Variants in ITSN2 observed in about 807,000 individuals in gnomAD.
ITSN2 encodes the protein intersectin 2, also known as intersectin-2.
A neutral mutation model predicts 243.7 loss-of-function variants in ITSN2; 156 were observed. That is an observed-to-expected ratio of 0.64 (90% confidence interval 0.56 to 0.73). ITSN2 has a LOEUF of 0.73. Ranked by LOEUF, ITSN2 falls within the 30% of genes least tolerant of loss-of-function variation. ITSN2 has a pLI of 0.00. For missense variants in ITSN2, 1,801 were observed against 1,996.1 expected (o/e 0.90, Z 1.86); for synonymous variants, 703 against 699.9 (o/e 1.00, Z -0.07).
rs7603997 is a variant in ITSN2, at chr2:24,302,089, C to T, written c.871G>A (p.Val291Ile). The T allele has an allele frequency of 0.33, 533,002 of 1,601,388 alleles. 91,435 individuals are homozygous for T. Among genetic ancestry groups the T allele is most frequent in the African/African-American group, 0.43 (31,562 of 74,234 alleles). The change falls in exon 10 of 40, where the codon GTT (valine) becomes ATT (isoleucine). Residue 291 changes from valine to isoleucine, a missense_variant. Coordinates refer to ENST00000355123, the MANE Select transcript of ITSN2 (RefSeq NM_006277.3). ...GCTTTTAGCTGTCCATCACCATCAA[C>T]GTCAGCCAGAGTCCTAAAGAAAATG... Reference protein sequence around the residue: ...QLATIWTLADVDGDGQLKAEE... With the variant: ...QLATIWTLADIDGDGQLKAEE...
chr2:24,332,541 T>A (rs1227826062), intron 1 of ITSN2, among the ~76,000 whole-genome samples: 1 of 152,214 alleles, frequency 6.6e-6, no homozygotes, highest in Non-Finnish European at 1.5e-5. Context: ...TAGCCACCCA[T>A]GCACATAGGT....
Position 24,210,777 on chromosome 2 carries a change from G to A in ITSN2, c.4257+3C>T. On this transcript the variant is annotated splice_donor_region_variant and intron_variant, in intron 34 of 39. Transcript: ENST00000355123. ...GCGCACGGCTTAACCACACAGGCCT[G>A]ACCTCCGCGAGGCCTTCACACTGCA... The A allele has an allele frequency of 6.2e-7, 1 of 1,613,294 alleles. No individual in the cohort carries two copies. The highest frequency in any genetic ancestry group is 8.5e-7 in the Non-Finnish European group (1 of 1,179,630).
intron 29 of ITSN2, among the ~76,000 whole-genome samples, chr2:24,221,849 C>G (rs1670475116): frequency 2.0e-5 from 3 of 152,182 alleles, no homozygotes. Context: ...AACTAGATGT[C>G]AAACTATGAA....
chr2:24,245,723 G>A (rs973600791), intron 29 of ITSN2, among the ~76,000 whole-genome samples: 2 of 152,130 alleles, frequency 1.3e-5, no homozygotes, highest in Non-Finnish European at 2.9e-5. Context: ...AAGGGATCCT[G>A]CGTGCCTTGG....
In ITSN2 at chr2:24,216,940, C is replaced by T. The variant is rs1334622488; in HGVS notation, c.3807-708G>A. On this transcript the variant is annotated intron_variant, in intron 31 of 39. Transcript: ENST00000355123. ...CTCTACTAAAAATACAAAAAATTAG[C>T]CGGGCGCAGTGGTGGGCGCCTGTAT... Among the ~76,000 whole-genome samples the T allele has an allele frequency of 2.0e-5, 3 of 152,014 alleles. No individual in the cohort carries two copies. The East Asian group carries it at 5.8e-4, about 29-fold the overall frequency.
intron 23 of ITSN2, 148 bp downstream of exon 23, chr2:24,257,740 A>G: frequency 1.5e-6 from 1 of 665,102 alleles, no homozygotes. Flanking sequence ...TACAGGTGTG[A>G]GCCACCACGG....
intron 12 of ITSN2, among the ~76,000 whole-genome samples, chr2:24,299,572 A>G (rs1406630215): frequency 1.3e-5 from 2 of 152,186 alleles, no homozygotes; most frequent in East Asian, 3.9e-4. Flanking sequence ...CTTAATCTGG[A>G]TCTTAAACTT....
chr2:24,210,561 G>A (rs977870309), intron 34 of ITSN2, among the ~76,000 whole-genome samples: 3 of 145,460 alleles, frequency 2.1e-5, no homozygotes, highest in Admixed American at 7.1e-5. Context: ...GCAGTGAGCC[G>A]AGATGATCTC....
At chr2:24,238,253 T>G (rs185525374) in intron 29 of ITSN2, among the ~76,000 whole-genome samples, 22 of 152,314 alleles carry the variant, frequency 1.4e-4, no homozygotes, top group African/African-American at 5.3e-4. Context: ...CAAAGAACTA[T>G]GTACCACCTA....
chr2:24,233,062 A>G (rs182983562), intron 29 of ITSN2, among the ~76,000 whole-genome samples: 1 of 152,360 alleles, frequency 6.6e-6, no homozygotes, highest in African/African-American at 2.4e-5. Flanking sequence ...CTTGTATCTA[A>G]TAGCCAGTTC....
At chr2:24,285,054 G>A (rs1015494689) in intron 16 of ITSN2, among the ~76,000 whole-genome samples, 4 of 151,848 alleles carry the variant, frequency 2.6e-5, no homozygotes, top group Admixed American at 6.6e-5. Context: ...ATGCCACTAC[G>A]CCCAGCTAAT....
chr2:24,292,403 C>A (rs1680371626), intron 15 of ITSN2, among the ~76,000 whole-genome samples: 1 of 84,230 alleles, frequency 1.2e-5, no homozygotes, highest in African/African-American at 4.8e-5. Flanking sequence ...CTCTGGAATG[C>A]CTGTGTAGGG....
chr2:24,308,592 C>T (rs778850841), intron 8 of ITSN2, 25 bp downstream of exon 8: 7 of 1,350,332 alleles, frequency 5.2e-6, no homozygotes, highest in South Asian at 2.3e-5. Context: ...CTTTTTCATG[C>T]TCTTCAGCAC....
chr2:24,291,286 C>T (rs1269563616), intron 15 of ITSN2, among the ~76,000 whole-genome samples: 1 of 151,908 alleles, frequency 6.6e-6, no homozygotes, highest in African/African-American at 2.4e-5. Context: ...CGTGCCACTA[C>T]CCCTACTGAT....
At chr2:24,359,461 C>T (rs2151966511) in intron 1 of ITSN2, among the ~76,000 whole-genome samples, 1 of 152,278 alleles carries the variant, frequency 6.6e-6, no homozygotes, top group East Asian at 1.9e-4. Context: ...AAAAATATTC[C>T]TATTTCAGTA....
At chr2:24,322,355 A>C (rs1684669850) in intron 2 of ITSN2, among the ~76,000 whole-genome samples, 1 of 152,204 alleles carries the variant, frequency 6.6e-6, no homozygotes, top group African/African-American at 2.4e-5. Flanking sequence ...GTAAGTGTTG[A>C]AGGCAAGACT....
At chr2:24,300,472 C>T (rs1574218773) in intron 11 of ITSN2, among the ~76,000 whole-genome samples, 1 of 152,280 alleles carries the variant, frequency 6.6e-6, no homozygotes, top group East Asian at 1.9e-4. Context: ...AATCCCAACA[C>T]TTTGGGAGGC....
At chr2:24,255,717 AG>A in intron 23 of ITSN2, among the ~76,000 whole-genome samples, 1 of 151,270 alleles carries the variant, frequency 6.6e-6, no homozygotes, top group East Asian at 2.0e-4. Flanking sequence ...ACCTGAGGTC[AG>A]GAGTTCGAGA....
At chr2:24,334,709 G>A (rs1228551454) in intron 1 of ITSN2, 1 of 1,585,588 alleles carries the variant, frequency 6.3e-7, no homozygotes, top group Non-Finnish European at 8.6e-7. Flanking sequence ...AAAGAAGATT[G>A]TGCTAAGGCT....
Sources: allele counts gnomAD v4.1 joint callset (sites outside exome capture counted in the v4.1 genomes callset), GRCh38; gene constraint gnomAD v4.1.1; transcripts MANE v1.5; gene names NCBI Gene and HGNC (gene_info 2026-07-23, HGNC 2026-07-21).